RAD54L2: variants seen among roughly 807,000 people sequenced by gnomAD.
RAD54L2 encodes helicase ARIP4.
RAD54L2 carries 27 observed loss-of-function variants against 138.4 expected under a neutral mutation model. The ratio of observed to expected loss-of-function variants is 0.20; its 90% CI spans 0.14 to 0.27. RAD54L2 has a LOEUF of 0.27. RAD54L2 is among the 10% of genes least tolerant of loss of function. The pLI, the probability that RAD54L2 is intolerant of heterozygous loss-of-function variation, is 1.00. For missense variants in RAD54L2, 1,396 were observed against 1,890.2 expected (o/e 0.74, Z 4.85); for synonymous variants, 644 against 723.2 (o/e 0.89, Z 1.76).
chr3:51,558,219 C>T (rs529202316), intron 2 of RAD54L2, among the ~76,000 whole-genome samples: 2 of 152,064 alleles, frequency 1.3e-5, no homozygotes, highest in Non-Finnish European at 2.9e-5. Flanking sequence ...ACTGATTGAC[C>T]GAATCCATGC....
chr3:51,563,396 A>G (rs1177850135), intron 2 of RAD54L2, among the ~76,000 whole-genome samples: 4 of 152,144 alleles, frequency 2.6e-5, no homozygotes, highest in African/African-American at 9.7e-5. Flanking sequence ...TTGGACTAGT[A>G]CCCTAGGAGA....
intron 19 of RAD54L2, among the ~76,000 whole-genome samples, chr3:51,654,221 GTA>G (rs1257003625): frequency 6.6e-6 from 1 of 152,066 alleles, no homozygotes; most frequent in African/African-American, 2.4e-5. Flanking sequence ...CTAATTTTTT[GTA>G]TTTTTAGTAG....
chr3:51,639,280 G>A (rs1701065437), intron 12 of RAD54L2, 139 bp from the exon 13 acceptor site: 10 of 1,012,134 alleles, frequency 9.9e-6, no homozygotes, highest in South Asian at 1.7e-5. Context: ...GGCTGTGAAG[G>A]GCTCTGACTT....
intron 21 of RAD54L2, among the ~76,000 whole-genome samples, chr3:51,658,745 C>T (rs941948291): frequency 3.3e-5 from 5 of 152,090 alleles, no homozygotes; most frequent in Non-Finnish European, 7.3e-5. Flanking sequence ...ACACCATTCC[C>T]AGCCTCCTTA....
At chr3:51,655,883 G>A in intron 19 of RAD54L2, 88 bp from the exon 20 acceptor site, 1 of 1,160,996 alleles carries the variant, frequency 8.6e-7, no homozygotes, top group Non-Finnish European at 1.2e-6. Flanking sequence ...GGTGTAGAAT[G>A]GGGCAGCCTA....
At chr3:51,583,770 G>GA (rs1318099334) in intron 2 of RAD54L2, among the ~76,000 whole-genome samples, 1 of 151,268 alleles carries the variant, frequency 6.6e-6, no homozygotes, top group East Asian at 1.9e-4. Flanking sequence ...TACAGAGTTT[G>GA]AAAAAGTTAC....
At chr3:51,546,873 A>G (rs1458683672) in intron 2 of RAD54L2, among the ~76,000 whole-genome samples, 1 of 151,674 alleles carries the variant, frequency 6.6e-6, no homozygotes. Context: ...TACTAAAAAT[A>G]CAAAAATTAG....
chr3:51,620,407 CTT>C (rs60585256), intron 3 of RAD54L2, among the ~76,000 whole-genome samples: 26 of 82,544 alleles, frequency 3.1e-4, no homozygotes, highest in African/African-American at 5.1e-4. Flanking sequence ...TCCTACTGGT[CTT>C]TTTTTTTTTT....
intron 3 of RAD54L2, among the ~76,000 whole-genome samples, chr3:51,610,818 C>G (rs1292220814): frequency 6.6e-6 from 1 of 152,104 alleles, no homozygotes; most frequent in African/African-American, 2.4e-5. Flanking sequence ...CTAAGAGGGG[C>G]AGGAAGCCCA....
chr3:51,589,828 T>G, intron 2 of RAD54L2, among the ~76,000 whole-genome samples: 1 of 152,094 alleles, frequency 6.6e-6, no homozygotes, highest in Admixed American at 6.6e-5. Flanking sequence ...TTGTTATTGT[T>G]ACTTTAAGGT....
intron 19 of RAD54L2, among the ~76,000 whole-genome samples, chr3:51,648,019 G>A (rs1033204534): frequency 6.6e-6 from 1 of 152,186 alleles, no homozygotes; most frequent in Non-Finnish European, 1.5e-5. Flanking sequence ...AGCTCAAGGG[G>A]TCTGGGGATT....
intron 19 of RAD54L2, among the ~76,000 whole-genome samples, chr3:51,650,445 A>T (rs1399822175): frequency 1.3e-5 from 2 of 152,232 alleles, no homozygotes; most frequent in African/African-American, 4.8e-5. Flanking sequence ...CCTAATAGAC[A>T]TCTACAGAAT....
chr3:51,631,832 C>T (rs1359945790), intron 7 of RAD54L2, among the ~76,000 whole-genome samples: 1 of 152,154 alleles, frequency 6.6e-6, no homozygotes, highest in East Asian at 1.9e-4. Flanking sequence ...CGAGGTCTCA[C>T]TATGTTGCCT....
At chr3:51,643,166 C>T (rs1701183258) in intron 15 of RAD54L2, among the ~76,000 whole-genome samples, 1 of 151,206 alleles carries the variant, frequency 6.6e-6, no homozygotes, top group South Asian at 2.1e-4. Flanking sequence ...CTCCCAAGTA[C>T]TGGGACTACA....
intron 6 of RAD54L2, 136 bp downstream of exon 6, chr3:51,630,524 TA>T: frequency 1.0e-6 from 1 of 993,124 alleles, no homozygotes; most frequent in East Asian, 2.6e-5. Flanking sequence ...GTCTCCTTGG[TA>T]AATATAAGTT....
At chr3:51,547,970 C>T (rs189010184) in intron 2 of RAD54L2, among the ~76,000 whole-genome samples, 68 of 152,198 alleles carry the variant, frequency 4.5e-4, no homozygotes, top group Non-Finnish European at 8.7e-4. Context: ...CGGCTCCCTG[C>T]AACCTCTGCC....
intron 19 of RAD54L2, among the ~76,000 whole-genome samples, chr3:51,653,794 TG>T (rs1001081591): frequency 7.9e-5 from 12 of 151,620 alleles, no homozygotes; most frequent in African/African-American, 1.7e-4. Flanking sequence ...TGTGGGGGGA[TG>T]GGGGAGGGAT....
chr3:51,621,636 C>A (rs1036919865), intron 3 of RAD54L2, among the ~76,000 whole-genome samples: 20 of 152,220 alleles, frequency 1.3e-4, no homozygotes, highest in Non-Finnish European at 2.6e-4. Context: ...TGGACTTGCC[C>A]TCTGTTCTCT....
intron 4 of RAD54L2, among the ~76,000 whole-genome samples, chr3:51,629,100 G>A (rs566088265): frequency 6.6e-6 from 1 of 152,146 alleles, no homozygotes; most frequent in South Asian, 2.1e-4. Context: ...GTGGAGAGAT[G>A]AGTTGGCAGG....
Sources: gnomAD v4.1 joint callset for allele counts (sites outside exome capture counted in the v4.1 genomes callset) on GRCh38, gnomAD v4.1.1 for gene constraint, MANE v1.5 for transcripts, NCBI Gene and HGNC (gene_info 2026-07-23, HGNC 2026-07-21) for gene names.